UBE2E3: variants seen among roughly 807,000 people sequenced by gnomAD.
UBE2E3 encodes the protein ubiquitin-conjugating enzyme E2 E3.
UBE2E3 carries 5 observed loss-of-function variants against 23.6 expected under a neutral mutation model. The ratio of observed to expected loss-of-function variants is 0.21; its 90% confidence interval spans 0.11 to 0.44. The LOEUF is 0.44. UBE2E3 is among the 20% of genes least tolerant of loss of function. The probability of loss-of-function intolerance (pLI) is 0.99; values close to 1 mark genes in which losing one functional copy is unlikely to be tolerated. For missense variants in UBE2E3, 81 were observed against 249.8 expected (o/e 0.32, Z 4.55); for synonymous variants, 78 against 87.5 (o/e 0.89, Z 0.60).
In UBE2E3 at chr2:181,033,327, C is replaced by T. The variant is rs185803099; in HGVS notation, c.246-24366C>T. 4.1e-3 allele frequency among the ~76,000 whole-genome samples: 618 copies of T among 152,246 alleles called. 3 individuals carry two copies. The highest frequency in any genetic ancestry group is 0.014 in the African/African-American group (575 of 41,544). ...AAACAGCAGGGTACTGGTACCAAAACGGAGATATAGACCAATGGAACAGAA... is the reference window on the plus strand; with the variant it reads ...AAACAGCAGGGTACTGGTACCAAAATGGAGATATAGACCAATGGAACAGAA... On this transcript the variant is annotated intron_variant, in intron 3 of 5. Coordinates refer to ENST00000410062, the MANE Select transcript of UBE2E3 (RefSeq NM_006357.4).
chr2:181,026,335 A>G (rs1480881972), intron 3 of UBE2E3, among the ~76,000 whole-genome samples: 1 of 151,494 alleles, frequency 6.6e-6, no homozygotes, highest in African/African-American at 2.4e-5. Context: ...TTTCAATTTC[A>G]GAAGATAATG....
At chr2:181,060,492 T>A (rs982655803) in intron 4 of UBE2E3, among the ~76,000 whole-genome samples, 173 bp from the exon 5 acceptor site, 2 of 151,732 alleles carry the variant, frequency 1.3e-5, no homozygotes, top group Non-Finnish European at 3.0e-5. Flanking sequence ...AAACAAAAAA[T>A]TTTTTTCAAC....
At chr2:181,051,045 T>G (rs1370551504) in intron 3 of UBE2E3, among the ~76,000 whole-genome samples, 3 of 151,848 alleles carry the variant, frequency 2.0e-5, no homozygotes, top group Non-Finnish European at 4.4e-5. Flanking sequence ...GTCTCATTCC[T>G]TTTCCTTCCG....
intron 3 of UBE2E3, among the ~76,000 whole-genome samples, chr2:180,997,111 C>CTT (rs202154522): frequency 1.8e-4 from 26 of 147,398 alleles, no homozygotes; most frequent in African/African-American, 2.2e-4. Flanking sequence ...TCAAACTACA[C>CTT]TTTTTTTTTT....
At position 181,062,974 on chromosome 2, in the gene UBE2E3, T is replaced by G; in HGVS notation, c.*86T>G. On this transcript the variant is annotated 3_prime_UTR_variant, in exon 6 of 6. Transcript: ENST00000410062. Reference sequence around the variant, plus strand: ...CTTTATAGCCTTTACAATACGGACTTCTGTGTATATGTTATACTGATTCTA... The same window carrying G: ...CTTTATAGCCTTTACAATACGGACTGCTGTGTATATGTTATACTGATTCTA... The G allele has an allele frequency of 1.3e-6, 1 of 767,782 alleles. No individual in the cohort carries two copies. The allele number at this position is 767,782 out of a possible 1,614,324, so 47.6% of individuals were successfully genotyped here.
chr2:181,057,665 A>T, intron 3 of UBE2E3, 28 bp from the exon 4 acceptor site: 1 of 1,580,868 alleles, frequency 6.3e-7, no homozygotes, highest in Non-Finnish European at 8.7e-7. Context: ...ATATATGTAC[A>T]TACTGATTTT....
At chr2:181,038,668 A>C (rs758584200) in intron 3 of UBE2E3, among the ~76,000 whole-genome samples, 18 of 152,220 alleles carry the variant, frequency 1.2e-4, no homozygotes, top group Non-Finnish European at 1.9e-4. Flanking sequence ...GAAAGGGAGA[A>C]AATAATTTGA....
At chr2:181,033,473 C>T (rs1686155128) in intron 3 of UBE2E3, among the ~76,000 whole-genome samples, 1 of 152,104 alleles carries the variant, frequency 6.6e-6, no homozygotes. Flanking sequence ...AAGTGGCTAG[C>T]CATATGTAGA....
chr2:180,982,782 C>T (rs929680810), intron 2 of UBE2E3, among the ~76,000 whole-genome samples: 14 of 152,106 alleles, frequency 9.2e-5, no homozygotes, highest in African/African-American at 3.4e-4. Flanking sequence ...GGTAACTTTC[C>T]TGGTTAAATT....
intron 3 of UBE2E3, among the ~76,000 whole-genome samples, chr2:181,041,234 C>CAGAAAAAAAAAAAAAAA (rs1415903327): frequency 1.3e-5 from 1 of 77,196 alleles, no homozygotes; most frequent in Non-Finnish European, 2.4e-5. Context: ...GACTCCGTCT[C>CAGAAAAAAAAAAAAAAA]AAAAAAAAAA....
intron 4 of UBE2E3, among the ~76,000 whole-genome samples, chr2:181,059,449 T>C (rs559954743): frequency 2.6e-5 from 4 of 151,858 alleles, no homozygotes; most frequent in Admixed American, 6.6e-5. Flanking sequence ...AATGGAAATA[T>C]AGTAAAATCT....
intron 3 of UBE2E3, among the ~76,000 whole-genome samples, chr2:181,034,900 A>T (rs141412437): frequency 0.021 from 3,235 of 152,324 alleles, 51 homozygotes; most frequent in South Asian, 0.064. Context: ...AAAAGTTAAC[A>T]TATTTGAAGA....
intron 3 of UBE2E3, among the ~76,000 whole-genome samples, chr2:181,033,176 CTACTT>C (rs1218925973): frequency 6.6e-6 from 1 of 152,182 alleles, no homozygotes; most frequent in Admixed American, 6.5e-5. Context: ...TTGGAAACAA[CTACTT>C]TAAAGTTCAT....
At chr2:180,991,774 G>T (rs1160501214) in intron 3 of UBE2E3, among the ~76,000 whole-genome samples, 2 of 152,170 alleles carry the variant, frequency 1.3e-5, no homozygotes, top group Non-Finnish European at 2.9e-5. Flanking sequence ...TCCTGGACTA[G>T]AGCATATACA....
intron 3 of UBE2E3, among the ~76,000 whole-genome samples, chr2:181,040,135 T>C (rs998293632): frequency 6.6e-6 from 1 of 152,196 alleles, no homozygotes; most frequent in African/African-American, 2.4e-5. Flanking sequence ...TCCTAAAAAT[T>C]TATATACTTA....
At chr2:181,045,041 T>G (rs1273909285) in intron 3 of UBE2E3, among the ~76,000 whole-genome samples, 1 of 152,130 alleles carries the variant, frequency 6.6e-6, no homozygotes, top group Non-Finnish European at 1.5e-5. Context: ...TGTTTATGCT[T>G]TTACGTCTGC....
intron 3 of UBE2E3, among the ~76,000 whole-genome samples, chr2:180,987,670 C>A (rs963665915): frequency 6.6e-6 from 1 of 152,086 alleles, no homozygotes; most frequent in Non-Finnish European, 1.5e-5. Context: ...ATAATGAAAT[C>A]ATAAAAGAAG....
chr2:181,040,816 T>C (rs1440331447), intron 3 of UBE2E3, among the ~76,000 whole-genome samples: 1 of 152,220 alleles, frequency 6.6e-6, no homozygotes, highest in East Asian at 1.9e-4. Flanking sequence ...CTCCTTGCTG[T>C]CATATTGTTA....
intron 3 of UBE2E3, among the ~76,000 whole-genome samples, chr2:180,989,017 T>A (rs1359779240): frequency 6.6e-6 from 1 of 152,136 alleles, no homozygotes; most frequent in Non-Finnish European, 1.5e-5. Flanking sequence ...TTTCATCCCA[T>A]TATGCCGTGG....
Sources: allele counts gnomAD v4.1 joint callset (sites outside exome capture counted in the v4.1 genomes callset), GRCh38; gene constraint gnomAD v4.1.1; transcripts MANE v1.5; gene names NCBI Gene and HGNC (gene_info 2026-07-23, HGNC 2026-07-21).